The following NELL1 variants were observed in gnomAD, a reference collection of about 807,000 sequenced individuals.
The protein encoded by NELL1 is protein kinase C-binding protein NELL1.
Under a neutral mutation model 107.4 loss-of-function variants are expected in NELL1, and 76 were observed. The ratio of observed to expected loss-of-function variants is 0.71; its 90% confidence interval spans 0.59 to 0.86. The LOEUF is 0.86. Among genes scored for constraint, NELL1 ranks in the 40% least tolerant of loss-of-function variants. The probability of loss-of-function intolerance (pLI) is 0.00; values close to 1 mark genes in which losing one functional copy is unlikely to be tolerated. For missense variants in NELL1, 1,024 were observed against 1,005.5 expected, an observed-to-expected ratio of 1.02 and a Z score of -0.25; for synonymous variants, 353 against 341.2, an observed-to-expected ratio of 1.03 and a Z score of -0.38.
At chr11:20,746,974 A>T (rs1856018104) in intron 2 of NELL1, among the ~76,000 whole-genome samples, 1 of 152,166 alleles carries the variant, frequency 6.6e-6, no homozygotes, top group Admixed American at 6.5e-5. Flanking sequence ...CCTCGAAAGG[A>T]GAAGTCCCTG....
rs796330589 is a variant in NELL1 at position 21,516,744 on chromosome 11, C to CAT, written c.1646-17629_1646-17628insTA. Among the ~76,000 whole-genome samples, 5 of 143,572 alleles carry CAT rather than the reference C, an allele frequency of 3.5e-5. No homozygotes were observed. In the South Asian group the frequency reaches 1.2e-3, roughly 34 times the overall value. The allele number at this position is 143,572 out of a possible 152,430, so 94.2% of individuals were successfully genotyped here. ...TCAATCACACACACACACACATACA[C>CAT]ACACACACACACACACAGACACACA... On this transcript the variant is annotated intron_variant, in intron 15 of 19. Coordinates refer to ENST00000357134, the MANE Select transcript of NELL1 (RefSeq NM_006157.5).
At chr11:21,386,350 G>C (rs142922252) in intron 15 of NELL1, among the ~76,000 whole-genome samples, 1 of 151,698 alleles carries the variant, frequency 6.6e-6, no homozygotes, top group Non-Finnish European at 1.5e-5. Context: ...TTGGATTTGC[G>C]TATCATGTTC....
chr11:20,739,106 T>C (rs1304373034), intron 2 of NELL1, among the ~76,000 whole-genome samples: 2 of 152,246 alleles, frequency 1.3e-5, no homozygotes, highest in Non-Finnish European at 2.9e-5. Context: ...TCAGTAATCA[T>C]GCTGTATTGG....
chr11:20,897,114 A>T (rs1054180748), intron 5 of NELL1, among the ~76,000 whole-genome samples: 3 of 152,206 alleles, frequency 2.0e-5, no homozygotes, highest in Admixed American at 2.0e-4. Context: ...AGTCAATCCT[A>T]AGCCAAAAGA....
rs571380238 is a variant in NELL1 at position 21,178,670 on chromosome 11, G to A, written c.1427-50662G>A. Among the ~76,000 whole-genome samples the A allele has an allele frequency of 4.6e-5, 7 of 151,210 alleles. No homozygotes were observed. In the South Asian group the frequency reaches 6.2e-4, roughly 13 times the overall value. ...CCCCAGCTACTCAGGAGGCGGAGAT[G>A]AGAGGATGGCCTGAGCCCAAGAGAT... On this transcript the variant is annotated intron_variant, in intron 13 of 19. Transcript: ENST00000357134.
rs562685285 is a variant in NELL1, at chr11:21,276,721, C to T, written c.1549+47267C>T. ...AGAGATATAGACCAATGGAACAGAA[C>T]GGAGCCCTCAGAAATAATGCCACAT... On this transcript the variant is annotated intron_variant, in intron 14 of 19. Transcript: ENST00000357134. Among the ~76,000 whole-genome samples the T allele has an allele frequency of 2.1e-3, 316 of 152,182 alleles. 2 individuals are homozygous for T. Among genetic ancestry groups the T allele is most frequent in the Non-Finnish European group, 3.4e-3 (232 of 68,010 alleles).
At chr11:21,328,468 C>A (rs1486525409) in intron 14 of NELL1, among the ~76,000 whole-genome samples, 1 of 152,116 alleles carries the variant, frequency 6.6e-6, no homozygotes, top group Admixed American at 6.6e-5. Flanking sequence ...AGGGGTAGAA[C>A]CCTCATGGAG....
intron 15 of NELL1, chr11:21,504,255 C>A: frequency 6.6e-6 from 1 of 152,250 alleles, no homozygotes; most frequent in Middle Eastern, 3.4e-3. Flanking sequence ...TGTGACAATA[C>A]GATCATGATA....
At chr11:21,515,365 G>A (rs924702617) in intron 15 of NELL1, among the ~76,000 whole-genome samples, 1 of 152,178 alleles carries the variant, frequency 6.6e-6, no homozygotes, top group Non-Finnish European at 1.5e-5. Context: ...TGAAGAGGAA[G>A]CAGATATCAT....
intron 12 of NELL1, among the ~76,000 whole-genome samples, chr11:21,080,980 C>G (rs1205429117): frequency 6.6e-6 from 1 of 151,568 alleles, no homozygotes; most frequent in Non-Finnish European, 1.5e-5. Flanking sequence ...TTTTTTTAAA[C>G]AGGATCTTGC....
chr11:21,138,544 G>C (rs1260150), intron 13 of NELL1, among the ~76,000 whole-genome samples: 106,658 of 152,054 alleles, frequency 0.7, 37,949 homozygotes, highest in African/African-American at 0.81. Context: ...TGAAAACAAA[G>C]TCTGCCCCCT....
chr11:21,302,562 A>G (rs1371704848), intron 14 of NELL1, among the ~76,000 whole-genome samples: 1 of 152,020 alleles, frequency 6.6e-6, no homozygotes, highest in Non-Finnish European at 1.5e-5. Context: ...CATACCTATA[A>G]TATTATTATT....
intron 17 of NELL1, among the ~76,000 whole-genome samples, chr11:21,565,058 A>C (rs1435626316): frequency 6.6e-6 from 1 of 151,988 alleles, no homozygotes; most frequent in Non-Finnish European, 1.5e-5. Context: ...GCCTGGGGCC[A>C]GGATAGAAGC....
intron 12 of NELL1, among the ~76,000 whole-genome samples, chr11:20,998,338 A>G (rs1467723011): frequency 6.6e-6 from 1 of 152,186 alleles, no homozygotes; most frequent in Non-Finnish European, 1.5e-5. Context: ...AGAGTGCAGG[A>G]TATTCTGCAT....
intron 7 of NELL1, among the ~76,000 whole-genome samples, 190 bp downstream of exon 7, chr11:20,919,524 A>T (rs780620825): frequency 5.9e-5 from 9 of 152,092 alleles, no homozygotes; most frequent in Non-Finnish European, 8.8e-5. Context: ...TGATGCTATT[A>T]AGCTGTATCA....
chr11:20,884,605 AC>A (rs1184566209), intron 4 of NELL1, among the ~76,000 whole-genome samples: 1 of 152,158 alleles, frequency 6.6e-6, no homozygotes, highest in East Asian at 1.9e-4. Flanking sequence ...GGACCAACTA[AC>A]CGGACCTTGG....
intron 2 of NELL1, among the ~76,000 whole-genome samples, chr11:20,751,428 C>T (rs981505795): frequency 6.6e-6 from 1 of 152,056 alleles, no homozygotes; most frequent in African/African-American, 2.4e-5. Flanking sequence ...TATCTCTCAG[C>T]ATTGTTTTGT....
intron 15 of NELL1, among the ~76,000 whole-genome samples, chr11:21,371,266 C>T (rs1370395846): frequency 2.0e-5 from 3 of 152,100 alleles, no homozygotes; most frequent in Non-Finnish European, 4.4e-5. Context: ...TTATCATCTA[C>T]TGGGTAGCAT....
chr11:21,309,215 T>TGCCTC (rs1278246749), intron 14 of NELL1, among the ~76,000 whole-genome samples: 2 of 146,950 alleles, frequency 1.4e-5, no homozygotes, highest in Non-Finnish European at 3.0e-5. Context: ...ACTCTATGTA[T>TGCCTC]GCCTCTTAAA....
Sources: gnomAD v4.1 joint callset for allele counts (sites outside exome capture counted in the v4.1 genomes callset) on GRCh38, gnomAD v4.1.1 for gene constraint, MANE v1.5 for transcripts, NCBI Gene and HGNC (gene_info 2026-07-23, HGNC 2026-07-21) for gene names.